The following BICRA variants were observed in gnomAD, a reference collection of about 807,000 sequenced individuals.
BICRA encodes BRD4 interacting chromatin remodeling complex associated protein, also known as BRD4-interacting chromatin-remodeling complex-associated protein.
Under a neutral mutation model 96.9 loss-of-function variants are expected in BICRA, and 31 were observed. The ratio of observed to expected loss-of-function variants is 0.32; its 90% CI spans 0.24 to 0.43. BICRA has a LOEUF of 0.43. BICRA is among the 20% of genes least tolerant of loss of function. BICRA has a pLI of 1.00. For missense variants in BICRA, 2,283 were observed against 2,190.3 expected, an observed-to-expected ratio of 1.04 and a Z score of -0.84; for synonymous variants, 1,350 against 1,071.8, an observed-to-expected ratio of 1.26 and a Z score of -5.07.
At chr19:47,624,819 G>C (rs905334211) in intron 1 of BICRA, among the ~76,000 whole-genome samples, 1 of 151,574 alleles carries the variant, frequency 6.6e-6, no homozygotes, top group African/African-American at 2.4e-5. Flanking sequence ...TCAGCTACCC[G>C]AGTAGTTGGG....
intron 14 of BICRA, chr19:47,700,973 T>C (rs1973432159): frequency 3.0e-6 from 1 of 336,926 alleles, no homozygotes; most frequent in East Asian, 6.9e-5. Context: ...GACAGGGGTC[T>C]CACTACTGTG....
In BICRA at chr19:47,694,228, C is replaced by T. The variant is rs1365917021; in HGVS notation, c.2397C>T (p.Pro799=). The change falls in exon 8 of 15, where the codon CCC becomes CCT. Residue 799 remains proline (P), a synonymous_variant. Transcript: ENST00000594866. ...PHLPSPHPTR[P]PSRPPSRPQS... ...TGCCCTCCCCACACCCCACCCGGCC[C>T]CCTTCCCGCCCACCCTCCCGGCCAC... 1.8e-6 allele frequency: 2 copies of T among 1,087,940 alleles called. No homozygotes were observed. Among genetic ancestry groups the T allele is most frequent in the Non-Finnish European group, 2.6e-6 (2 of 780,644 alleles). The allele number at this position is 1,087,940 out of a possible 1,614,324, so 67.4% of individuals were successfully genotyped here.
intron 1 of BICRA, among the ~76,000 whole-genome samples, chr19:47,620,037 G>A (rs887970653): frequency 1.3e-5 from 2 of 152,144 alleles, no homozygotes; most frequent in Admixed American, 6.6e-5. Flanking sequence ...TCACAGAGGG[G>A]GAGTCCTGCC....
At chr19:47,624,682 GCCA>G (rs1972114056) in intron 1 of BICRA, among the ~76,000 whole-genome samples, 1 of 150,908 alleles carries the variant, frequency 6.6e-6, no homozygotes, top group Admixed American at 6.6e-5. Flanking sequence ...ACCTCCCACT[GCCA>G]CGCCCTGACT....
intron 7 of BICRA, among the ~76,000 whole-genome samples, chr19:47,691,383 C>G (rs73567858): frequency 0.049 from 7,515 of 152,220 alleles, 557 homozygotes; most frequent in African/African-American, 0.17. Flanking sequence ...TGGGAGGGGA[C>G]TGAACACAAG....
Position 47,698,803 on chromosome 19 carries a change from G to C in BICRA, c.3397+21G>C. ...CAAAGGTGAGGCCTCCCCAGGACACGGCCCTATATGTCCCAGGGGACCCCA... is the reference window on the plus strand; with the variant it reads ...CAAAGGTGAGGCCTCCCCAGGACACCGCCCTATATGTCCCAGGGGACCCCA... On this transcript the variant is annotated intron_variant, in intron 12 of 14. Coordinates refer to ENST00000594866, the MANE Select transcript of BICRA (RefSeq NM_001394372.1). This position sits in a 1 kb window ranked among gnomAD's most constrained non-coding sequence, Gnocchi z 4.8. The C allele has an allele frequency of 1.3e-6, 2 of 1,572,004 alleles. No individual in the cohort carries two copies. Among genetic ancestry groups the C allele is most frequent in the South Asian group, 1.1e-5 (1 of 87,168 alleles).
intron 1 of BICRA, among the ~76,000 whole-genome samples, chr19:47,618,847 G>A (rs140436518): frequency 2.4e-4 from 36 of 152,314 alleles, no homozygotes; most frequent in East Asian, 5.8e-4. Flanking sequence ...CAGTGTCCAG[G>A]GACACCTGCA....
intron 7 of BICRA, among the ~76,000 whole-genome samples, chr19:47,685,312 T>G (rs1398689162): frequency 6.6e-6 from 1 of 152,150 alleles, no homozygotes; most frequent in Non-Finnish European, 1.5e-5. Flanking sequence ...AGAAGGAAGC[T>G]TAGTGCGCAC....
At chr19:47,659,563 C>T (rs1275683356) in intron 1 of BICRA, among the ~76,000 whole-genome samples, 1 of 151,986 alleles carries the variant, frequency 6.6e-6, no homozygotes, top group Non-Finnish European at 1.5e-5. Flanking sequence ...CATGTGGATG[C>T]CACCCTTCTC....
In BICRA at chr19:47,695,485, CT is replaced by C; in HGVS notation, c.3186+13del. 1 of 1,324,252 alleles carries C rather than the reference CT, an allele frequency of 7.6e-7. No individual in the cohort carries two copies. The highest frequency in any genetic ancestry group is 1.1e-6 in the Non-Finnish European group (1 of 934,274). 82.0% of individuals were successfully genotyped at this position (1,324,252 alleles called of 1,614,324 possible). A position where few individuals can be genotyped will look rare whatever the true frequency, so the allele number is the denominator to read the frequency against. On this transcript the variant is annotated intron_variant, in intron 10 of 14. Transcript: ENST00000594866. ...CCCTCCGGGCTGCAGGTAAGGGGCC[CT>C]TAGAGCAGGGGTCAGGACAGGACCA...
chr19:47,701,780 C>G lies in BICRA; in HGVS notation c.4048C>G (p.Pro1350Ala). The part of the protein sequence containing the change: ...LKVAEPPPRP[P>A]PPPPPTGQMN... ...GGTGGCCGAGCCCCCGCCACGGCCG[C>G]CACCACCACCGCCGCCCACGGGCCA... The change falls in exon 15 of 15, where the codon CCA (proline) becomes GCA (alanine). Residue 1350 changes from proline to alanine, a missense_variant. Transcript: ENST00000594866. This position sits in a 1 kb window ranked among gnomAD's most constrained non-coding sequence, Gnocchi z 5.4. 6.5e-7 allele frequency: 1 copy of G among 1,539,990 alleles called. No individual in the cohort carries two copies. The highest frequency in any genetic ancestry group is 8.7e-7 in the Non-Finnish European group (1 of 1,143,506).
chr19:47,623,350 C>T (rs1457365192), intron 1 of BICRA, among the ~76,000 whole-genome samples: 2 of 152,160 alleles, frequency 1.3e-5, no homozygotes, highest in Non-Finnish European at 2.9e-5. Context: ...CCCTGCTGTG[C>T]GCTCCATGGG....
At position 47,614,666 on chromosome 19, in the gene BICRA, A is replaced by G. The variant is rs11666710; in HGVS notation, c.-108+5498A>G. The stretch of plus-strand genomic sequence containing the variant: ...AAACAAAAAACTATTCATCTTACAC[A>G]GATGGTAGTCTGGTCTATGCATTGC... On this transcript the variant is annotated intron_variant, in intron 1 of 14. Coordinates refer to ENST00000594866, the MANE Select transcript of BICRA (RefSeq NM_001394372.1). Among the ~76,000 whole-genome samples the G allele has an allele frequency of 7.5e-3, 1,142 of 152,322 alleles. 6 individuals are homozygous for G. The highest frequency in any genetic ancestry group is 0.013 in the Non-Finnish European group (851 of 68,026).
At position 47,625,298 on chromosome 19, in the gene BICRA, CT is replaced by C. The variant is rs577643609; in HGVS notation, c.-108+16146del. Reference sequence around the variant, plus strand: ...TACAGGTGTGAGCCACCAACCTGGCCTTTTTTTTTTTTTTTTAAGAGACAGG... The same window carrying C: ...TACAGGTGTGAGCCACCAACCTGGCCTTTTTTTTTTTTTTTAAGAGACAGG... On this transcript the variant is annotated intron_variant, in intron 1 of 14. Coordinates refer to ENST00000594866, the MANE Select transcript of BICRA (RefSeq NM_001394372.1). Among the ~76,000 whole-genome samples the C allele has an allele frequency of 4.3e-3, 591 of 136,134 alleles. 1 individual carries two copies. The highest frequency in any genetic ancestry group is 5.5e-3 in the South Asian group (23 of 4,218). The allele number at this position is 136,134 out of a possible 152,430, so 89.3% of individuals were successfully genotyped here. A position where few individuals can be genotyped will look rare whatever the true frequency, so the allele number is the denominator to read the frequency against.
At chr19:47,697,017 G>GT (rs775775584) in intron 11 of BICRA, among the ~76,000 whole-genome samples, 4 of 150,632 alleles carry the variant, frequency 2.7e-5, no homozygotes, top group African/African-American at 9.8e-5. Context: ...TTTTAGGGGG[G>GT]GTTCTTTGAG....
At chr19:47,622,849 G>A (rs1028337706) in intron 1 of BICRA, among the ~76,000 whole-genome samples, 2 of 151,672 alleles carry the variant, frequency 1.3e-5, no homozygotes, top group Non-Finnish European at 2.9e-5. Context: ...ACCAGCCTGG[G>A]CAACATGGTG....
chr19:47,658,554 C>T (rs1319725837), intron 1 of BICRA, among the ~76,000 whole-genome samples: 2 of 149,994 alleles, frequency 1.3e-5, no homozygotes, highest in African/African-American at 2.5e-5. Context: ...ATTGCTTGAA[C>T]CGGGGAGGCA....
intron 1 of BICRA, among the ~76,000 whole-genome samples, chr19:47,636,422 T>TG (rs1972301203): frequency 6.6e-6 from 1 of 152,186 alleles, no homozygotes; most frequent in Admixed American, 6.5e-5. Context: ...TTGCCCAGGT[T>TG]GGTCTCCAAC....
At chr19:47,637,413 C>G (rs1259071769) in intron 1 of BICRA, among the ~76,000 whole-genome samples, 2 of 151,012 alleles carry the variant, frequency 1.3e-5, no homozygotes, top group Non-Finnish European at 2.9e-5. Flanking sequence ...GCCACTGCGC[C>G]CAGCCTGTTT....
Sources: allele counts gnomAD v4.1 joint callset (sites outside exome capture counted in the v4.1 genomes callset), GRCh38; gene constraint gnomAD v4.1.1; non-coding constraint Gnocchi (gnomAD v3.1); transcripts MANE v1.5; gene names NCBI Gene and HGNC (gene_info 2026-07-23, HGNC 2026-07-21).